CATSPERB: variants seen among roughly 807,000 people sequenced by gnomAD.
CATSPERB encodes the protein catsper channel auxiliary subunit beta.
In CATSPERB, 93 loss-of-function variants were observed where a neutral mutation model predicts 128.3. The observed-to-expected ratio is 0.72, with a 90% CI of 0.61 to 0.86. CATSPERB has a LOEUF of 0.86. Among genes scored for constraint, CATSPERB ranks in the 40% least tolerant of loss-of-function variants. The pLI is 0.00. For synonymous variants in CATSPERB, 381 were observed against 448.8 expected, an observed-to-expected ratio of 0.85 and a Z score of 1.91; for missense variants, 1,153 against 1,329.5, an observed-to-expected ratio of 0.87 and a Z score of 2.06.
intron 22 of CATSPERB, among the ~76,000 whole-genome samples, chr14:91,595,278 A>G (rs1474523697): frequency 6.6e-6 from 1 of 151,648 alleles, no homozygotes; most frequent in Non-Finnish European, 1.5e-5. Context: ...TATAGGAGGA[A>G]TCTCAGATAA....
chr14:91,682,075 G>T (rs534782456), intron 11 of CATSPERB, among the ~76,000 whole-genome samples: 16 of 152,326 alleles, frequency 1.1e-4, no homozygotes, highest in Middle Eastern at 3.4e-3. Flanking sequence ...GAATAGAACA[G>T]ACTGCTGAGT....
chr14:91,684,221 A>G (rs1895336441), intron 10 of CATSPERB, among the ~76,000 whole-genome samples: 1 of 152,244 alleles, frequency 6.6e-6, no homozygotes. Context: ...GTCTTTCAGA[A>G]GCTACCAGAA....
At chr14:91,625,290 G>A (rs563114950) in intron 17 of CATSPERB, among the ~76,000 whole-genome samples, 42 of 152,286 alleles carry the variant, frequency 2.8e-4, no homozygotes, top group Non-Finnish European at 4.7e-4. Context: ...TTGTAAATTA[G>A]AACTAGCTTC....
chr14:91,636,390 A>C, intron 17 of CATSPERB, 35 bp downstream of exon 17: 1 of 1,592,584 alleles, frequency 6.3e-7, no homozygotes, highest in Non-Finnish European at 8.6e-7. Context: ...GATTCTAGAA[A>C]CCAATATGCC....
At chr14:91,594,307 T>C (rs1452482161) in intron 22 of CATSPERB, among the ~76,000 whole-genome samples, 1 of 150,454 alleles carries the variant, frequency 6.6e-6, no homozygotes, top group Non-Finnish European at 1.5e-5. Flanking sequence ...AAGGGGAACA[T>C]CACACACCAG....
rs1375684136 is a variant in CATSPERB at position 91,624,933 on chromosome 14, G to T, written c.1817C>A (p.Ala606Glu). Residue 606 changes from alanine (A) to glutamate (E), a missense_variant, in exon 18 of 27, where the codon GCA becomes GAA. Physicochemically the swap from Ala to Glu is moderately radical, Grantham distance 107. Transcript: ENST00000256343. ...TAATCCAAAGGGCTCTTTCATTTCT[G>T]CAATAACTGAGGACAAAAATCCTTT... ...TPKGFLSSVI[A>E]EMKEPFGLEE... The T allele has an allele frequency of 6.2e-7, 1 of 1,612,670 alleles. No individual in the cohort carries two copies. Among genetic ancestry groups the T allele is most frequent in the Non-Finnish European group, 8.5e-7 (1 of 1,179,510 alleles).
chr14:91,612,057 T>TTTCTTTCTTTC (rs1245071708), intron 20 of CATSPERB, among the ~76,000 whole-genome samples: 1 of 99,344 alleles, frequency 1.0e-5, no homozygotes, highest in African/African-American at 3.2e-5. Context: ...TCTTTCTTTC[T>TTTCTTTCTTTC]TTCTTTCTTC....
chr14:91,671,220 T>C (rs1895082132), intron 13 of CATSPERB, among the ~76,000 whole-genome samples: 1 of 152,144 alleles, frequency 6.6e-6, no homozygotes, highest in Non-Finnish European at 1.5e-5. Flanking sequence ...AGGAGTTTTA[T>C]ACCCCTGAAG....
At chr14:91,631,766 A>G (rs1430100137) in intron 17 of CATSPERB, among the ~76,000 whole-genome samples, 2 of 152,232 alleles carry the variant, frequency 1.3e-5, no homozygotes, top group African/African-American at 4.8e-5. Context: ...GGTTTGAGGA[A>G]CCGAGGGACC....
chr14:91,666,838 C>G (rs1246273010), intron 14 of CATSPERB, among the ~76,000 whole-genome samples: 1 of 152,144 alleles, frequency 6.6e-6, no homozygotes, highest in Non-Finnish European at 1.5e-5. Flanking sequence ...CTACTTTTCT[C>G]CCAGAGGATG....
intron 17 of CATSPERB, among the ~76,000 whole-genome samples, chr14:91,631,863 G>C (rs1277194063): frequency 3.3e-5 from 5 of 151,960 alleles, no homozygotes; most frequent in Admixed American, 1.3e-4. Context: ...ATGGGAAAGA[G>C]ATAAAGTTAT....
intron 23 of CATSPERB, 97 bp from the exon 24 acceptor site, chr14:91,589,766 G>T: frequency 8.4e-7 from 1 of 1,189,378 alleles, no homozygotes; most frequent in Non-Finnish European, 1.2e-6. Flanking sequence ...CCAATAGTTT[G>T]GCTGTTCAAT....
Position 91,609,309 on chromosome 14 carries a change from A to T in CATSPERB, c.2599-905T>A, listed in dbSNP as rs138577891. Among the ~76,000 whole-genome samples the T allele has an allele frequency of 2.8e-3, 423 of 152,290 alleles. 3 individuals carry two copies. Among genetic ancestry groups the T allele is most frequent in the Non-Finnish European group, 4.6e-3 (311 of 68,032 alleles). On this transcript the variant is annotated intron_variant, in intron 21 of 26. Coordinates refer to ENST00000256343, the MANE Select transcript of CATSPERB (RefSeq NM_024764.4). Reference sequence around the variant, plus strand: ...TTAAGGTTTACAGTATTACACGATGAAAAGTACATTAGAGCCACGAGAGGT... The same window carrying T: ...TTAAGGTTTACAGTATTACACGATGTAAAGTACATTAGAGCCACGAGAGGT...
intron 5 of CATSPERB, among the ~76,000 whole-genome samples, chr14:91,718,897 T>A (rs1430684438): frequency 6.6e-6 from 1 of 152,216 alleles, no homozygotes; most frequent in Non-Finnish European, 1.5e-5. Context: ...CCTCTGGGAA[T>A]GTGTCTCATG....
intron 15 of CATSPERB, among the ~76,000 whole-genome samples, chr14:91,656,197 G>A (rs1362445273): frequency 6.6e-6 from 1 of 151,982 alleles, no homozygotes; most frequent in Non-Finnish European, 1.5e-5. Flanking sequence ...AATACTTCAA[G>A]CATAAATAAA....
At chr14:91,591,798 T>C (rs1404339718) in intron 23 of CATSPERB, 94 bp downstream of exon 23, 2 of 817,108 alleles carry the variant, frequency 2.4e-6, no homozygotes, top group East Asian at 4.9e-5. Flanking sequence ...ACATTATTTC[T>C]ATGTCTTAGT....
In CATSPERB at chr14:91,619,183, A is replaced by G. The variant is rs531432017; in HGVS notation, c.2261-1447T>C. 4.2e-4 allele frequency among the ~76,000 whole-genome samples: 64 copies of G among 152,340 alleles called. No homozygotes were observed. In the South Asian group the frequency reaches 0.012, roughly 28 times the overall value. ...AAAATTCAGAAATGGTCAGAATAAC[A>G]GGTAAATTGTATACTAAGATAAAGT... On this transcript the variant is annotated intron_variant, in intron 19 of 26. Coordinates refer to ENST00000256343, the MANE Select transcript of CATSPERB (RefSeq NM_024764.4).
chr14:91,710,180 T>A (rs1247660642), intron 5 of CATSPERB: 1 of 152,394 alleles, frequency 6.6e-6, no homozygotes, highest in South Asian at 2.1e-4. Context: ...AGAACAACAG[T>A]AGCACTCCAT....
chr14:91,708,290 G>T, intron 5 of CATSPERB, 54 bp from the exon 6 acceptor site: 1 of 1,207,478 alleles, frequency 8.3e-7, no homozygotes, highest in Non-Finnish European at 1.2e-6. Flanking sequence ...GTTGTGTTTG[G>T]TGAAATTTAA....
Sources: allele counts gnomAD v4.1 joint callset (sites outside exome capture counted in the v4.1 genomes callset), GRCh38; gene constraint gnomAD v4.1.1; transcripts MANE v1.5; gene names NCBI Gene and HGNC (gene_info 2026-07-23, HGNC 2026-07-21).